TRIM66: variants seen among roughly 807,000 people sequenced by gnomAD.
TRIM66 encodes tripartite motif-containing protein 66.
In TRIM66, 99 loss-of-function variants were observed where a neutral mutation model predicts 148.2. The ratio of observed to expected loss-of-function variants is 0.67; its 90% CI spans 0.57 to 0.79. The LOEUF (loss-of-function observed/expected upper bound fraction) is 0.79. TRIM66 is among the 30% of genes least tolerant of loss of function. TRIM66 has a pLI of 0.00. For synonymous variants in TRIM66, 616 were observed against 635.9 expected (o/e 0.97, Z 0.47); for missense variants, 1,666 against 1,697.9 (o/e 0.98, Z 0.33).
At chr11:8,665,051 T>C (rs1408282828) in intron 6 of TRIM66, among the ~76,000 whole-genome samples, 1 of 152,066 alleles carries the variant, frequency 6.6e-6, no homozygotes, top group African/African-American at 2.4e-5. Context: ...AGCTAGGAAC[T>C]TGTTTATTCC....
intron 5 of TRIM66, 52 bp downstream of exon 5, chr11:8,672,196 G>A (rs2038970510): frequency 2.6e-6 from 4 of 1,535,644 alleles, no homozygotes; most frequent in South Asian, 1.2e-5. Context: ...AAAAGTCCAG[G>A]CCATGTTCCT....
At chr11:8,630,710 T>C (rs2035312229) in intron 15 of TRIM66, among the ~76,000 whole-genome samples, 2 of 152,170 alleles carry the variant, frequency 1.3e-5, no homozygotes, top group African/African-American at 4.8e-5. Context: ...CCTGTCCCTT[T>C]CCTCTTGCCT....
At chr11:8,637,399 C>A (rs2035976337) in intron 15 of TRIM66, among the ~76,000 whole-genome samples, 1 of 151,302 alleles carries the variant, frequency 6.6e-6, no homozygotes, top group African/African-American at 2.4e-5. Flanking sequence ...GGTGGCTGGC[C>A]CAAATACAAG....
rs1476761510 is a variant in TRIM66 at position 8,671,866 on chromosome 11, T to C, written c.260A>G (p.His87Arg). 1 of 1,535,844 alleles carries C rather than the reference T, an allele frequency of 6.5e-7. No homozygotes were observed. The highest frequency in any genetic ancestry group is 1.4e-5 in the African/African-American group (1 of 73,024). The part of the protein sequence containing the change: ...GMGSHLLSCQ[H>R]LLRKDCFQGL... ...CTGGAAGCAGTCCTTACGGAGCAAATGCTGGCAGGATAGGAGATGAGAGCC... is the reference window on the plus strand; with the variant it reads ...CTGGAAGCAGTCCTTACGGAGCAAACGCTGGCAGGATAGGAGATGAGAGCC... The change falls in exon 6 of 25, where the codon CAT (histidine) becomes CGT (arginine). Residue 87 changes from histidine (H) to arginine (R), a missense_variant. By Grantham distance (29) the His-to-Arg change is conservative (BLOSUM62 0). This residue lies in a region of TRIM66 where 1,431 missense variants were observed against 1,412.4 expected (regional missense o/e 1.01). Coordinates refer to ENST00000646038, the MANE Select transcript of TRIM66 (RefSeq NM_001388022.1).
chr11:8,627,068 C>T (rs2034918236), intron 15 of TRIM66, among the ~76,000 whole-genome samples: 1 of 152,236 alleles, frequency 6.6e-6, no homozygotes, highest in African/African-American at 2.4e-5. Flanking sequence ...TTTATGCTCT[C>T]ATATGCCTTG....
chr11:8,622,700 G>T, intron 18 of TRIM66, 116 bp downstream of exon 18: 1 of 950,788 alleles, frequency 1.1e-6, no homozygotes, highest in Non-Finnish European at 1.6e-6. Context: ...GAGGAAGGCA[G>T]TTGCAGGCAA....
chr11:8,645,153 A>G (rs1291822852), intron 12 of TRIM66, among the ~76,000 whole-genome samples: 1 of 152,144 alleles, frequency 6.6e-6, no homozygotes, highest in African/African-American at 2.4e-5. Flanking sequence ...CTCCTTCTCC[A>G]AAACCAACTT....
intron 15 of TRIM66, among the ~76,000 whole-genome samples, chr11:8,626,827 AT>A (rs1209718297): frequency 2.9e-4 from 44 of 152,268 alleles, no homozygotes; most frequent in Non-Finnish European, 2.5e-4. Flanking sequence ...AGCTCATTCA[AT>A]AACCCTCTCC....
chr11:8,620,307 C>T, intron 21 of TRIM66, 139 bp downstream of exon 21: 1 of 1,410,030 alleles, frequency 7.1e-7, no homozygotes. Flanking sequence ...ATCCAAACAC[C>T]CCTGGGCCAA....
chr11:8,683,125 C>T, upstream of TRIM66: 1 of 1,437,992 alleles, frequency 7.0e-7, no homozygotes, highest in Non-Finnish European at 9.8e-7. Context: ...CACAGGCTTA[C>T]AGGACCATCT....
chr11:8,636,417 C>G (rs917262373), intron 15 of TRIM66, among the ~76,000 whole-genome samples: 1 of 152,230 alleles, frequency 6.6e-6, no homozygotes, highest in African/African-American at 2.4e-5. Context: ...CTACTGACAT[C>G]TAGAGCTAGC....
At chr11:8,657,387 AC>A (rs2037919633) in intron 6 of TRIM66, among the ~76,000 whole-genome samples, 1 of 152,112 alleles carries the variant, frequency 6.6e-6, no homozygotes, top group Admixed American at 6.5e-5. Context: ...GCTAGTTCCA[AC>A]CCGTAGACCC....
chr11:8,672,924 C>A (rs1166408652), intron 4 of TRIM66, among the ~76,000 whole-genome samples: 3 of 148,292 alleles, frequency 2.0e-5, no homozygotes, highest in African/African-American at 7.5e-5. Flanking sequence ...AGCCACCACA[C>A]CTGGCCCATA....
intron 15 of TRIM66, among the ~76,000 whole-genome samples, chr11:8,629,908 GA>G (rs1177359658): frequency 5.3e-5 from 8 of 152,332 alleles, no homozygotes; most frequent in African/African-American, 1.9e-4. Flanking sequence ...AGTGCTGTGA[GA>G]AAGCCAGCCC....
chr11:8,620,245 G>A (rs1329645074), intron 21 of TRIM66, 121 bp from the exon 22 acceptor site: 2 of 1,302,050 alleles, frequency 1.5e-6, no homozygotes, highest in Non-Finnish European at 1.1e-6. Context: ...GCCATACTAA[G>A]GCACAATTCA....
chr11:8,620,256 G>T, intron 21 of TRIM66, 132 bp from the exon 22 acceptor site: 1 of 1,311,550 alleles, frequency 7.6e-7, no homozygotes, highest in Middle Eastern at 1.9e-4. Context: ...GCACAATTCA[G>T]GTTCCCAAGC....
At chr11:8,649,614 G>T in intron 8 of TRIM66, 126 bp downstream of exon 8, 1 of 1,292,972 alleles carries the variant, frequency 7.7e-7, no homozygotes, top group Non-Finnish European at 1.0e-6. Context: ...TTTGGGAAAG[G>T]CTCTGAGACT....
chr11:8,649,842 T>A lies in TRIM66; in HGVS notation c.490A>T (p.Thr164Ser), dbSNP rs571791051. 1 of 1,551,644 alleles carries A rather than the reference T, an allele frequency of 6.4e-7. No individual in the cohort carries two copies. Among genetic ancestry groups the A allele is most frequent in the Non-Finnish European group, 8.7e-7 (1 of 1,146,986 alleles). ...KEKRAAHILC[T>S]YCNRWLCSSC... ...CTGCACAGCCAGCGATTGCAGTAGGTGCAGAGGATATGTGCTGCCCTCTTC... is the reference window on the plus strand; with the variant it reads ...CTGCACAGCCAGCGATTGCAGTAGGAGCAGAGGATATGTGCTGCCCTCTTC... Residue 164 changes from threonine (T) to serine (S), a missense_variant, in exon 8 of 25, where the codon ACC becomes TCC. Transcript: ENST00000646038.
chr11:8,655,201 T>A (rs1200870704), intron 6 of TRIM66, among the ~76,000 whole-genome samples: 3 of 152,156 alleles, frequency 2.0e-5, no homozygotes, highest in Non-Finnish European at 4.4e-5. Flanking sequence ...CCATGTGTAC[T>A]CCTTGCACTC....
Sources: gnomAD v4.1 joint callset for allele counts (sites outside exome capture counted in the v4.1 genomes callset) on GRCh38, gnomAD v4.1.1 for gene constraint, gnomAD v4.1.1 regional missense constraint, MANE v1.5 for transcripts, NCBI Gene and HGNC (gene_info 2026-07-23, HGNC 2026-07-21) for gene names.